The following RABEPK variants were observed in gnomAD, a reference collection of about 807,000 sequenced individuals.
RABEPK encodes 40 kDa Rab9 effector protein.
Under a neutral mutation model 34.1 loss-of-function variants are expected in RABEPK, and 27 were observed. That is an observed-to-expected ratio of 0.79 (90% CI 0.58 to 1.09). The LOEUF (loss-of-function observed/expected upper bound fraction) is 1.09, where lower values mean the gene tolerates loss of function less well. Among genes scored for constraint, RABEPK ranks in the 50% least tolerant of loss-of-function variants. The probability of loss-of-function intolerance (pLI) is 0.00; values close to 1 mark genes in which losing one functional copy is unlikely to be tolerated. For missense variants in RABEPK, 449 were observed against 462.6 expected (o/e 0.97, Z 0.27); for synonymous variants, 172 against 169.2 (o/e 1.02, Z -0.13).
chr9:125,214,507 T>C (rs75025871), intron 4 of RABEPK, among the ~76,000 whole-genome samples: 5,009 of 152,256 alleles, frequency 0.033, 243 homozygotes, highest in African/African-American at 0.11. Context: ...GCAAGACATT[T>C]TGTTTGTTCG....
rs71374234 is a variant in RABEPK, at chr9:125,218,321, C to CAAAAAAAA, written c.365-2198_365-2191dup. Among the ~76,000 whole-genome samples the CAAAAAAAA allele has an allele frequency of 6.8e-4, 28 of 41,154 alleles. 3 individuals are homozygous for CAAAAAAAA. The highest frequency in any genetic ancestry group is 1.2e-3 in the South Asian group (1 of 812). 27.0% of individuals were successfully genotyped at this position (41,154 alleles called of 152,430 possible). A position where few individuals can be genotyped will look rare whatever the true frequency, so the allele number is the denominator to read the frequency against. On this transcript the variant is annotated intron_variant, in intron 4 of 7. Coordinates refer to ENST00000373538, the MANE Select transcript of RABEPK (RefSeq NM_005833.4). Reference sequence around the variant, plus strand: ...TGGGAGCCACAGCGAGACTCCGTCTCAAAAAAAAAAAAAAAAAAAAAAAAA... The same window carrying CAAAAAAAA: ...TGGGAGCCACAGCGAGACTCCGTCTCAAAAAAAAAAAAAAAAAAAAAAAAAAAAAAAAA...
chr9:125,204,971 G>A (rs146423947), intron 2 of RABEPK, among the ~76,000 whole-genome samples: 1,585 of 152,170 alleles, frequency 0.01, 13 homozygotes, highest in Non-Finnish European at 0.017. Flanking sequence ...GGGACTGTTG[G>A]TGTGTACTAC....
chr9:125,213,648 T>C (rs1830731317), intron 4 of RABEPK, 126 bp downstream of exon 4: 15 of 832,434 alleles, frequency 1.8e-5, no homozygotes. Context: ...CATTTAACTT[T>C]GCTGACATAG....
intron 5 of RABEPK, among the ~76,000 whole-genome samples, chr9:125,224,485 C>T (rs1831593142): frequency 7.0e-6 from 1 of 142,414 alleles, no homozygotes. Flanking sequence ...TGAAGTCACG[C>T]TCTGTTGCCC....
intron 6 of RABEPK, among the ~76,000 whole-genome samples, chr9:125,229,517 G>A (rs557022011): frequency 1.3e-5 from 2 of 152,310 alleles, no homozygotes; most frequent in South Asian, 4.1e-4. Flanking sequence ...ATCAGATTCT[G>A]TTACCTCTGG....
At chr9:125,212,064 G>C (rs1260640232) in intron 3 of RABEPK, among the ~76,000 whole-genome samples, 2 of 152,072 alleles carry the variant, frequency 1.3e-5, no homozygotes, top group African/African-American at 2.4e-5. Flanking sequence ...CCTATTAATA[G>C]CTTTGTGACC....
At chr9:125,231,967 T>C (rs746197825) in intron 6 of RABEPK, among the ~76,000 whole-genome samples, 1 of 145,432 alleles carries the variant, frequency 6.9e-6, no homozygotes, top group Non-Finnish European at 1.5e-5. Context: ...TGGTGTGATC[T>C]CAGCTCAGCG....
intron 4 of RABEPK, among the ~76,000 whole-genome samples, chr9:125,214,884 G>A (rs964786642): frequency 2.7e-5 from 4 of 148,218 alleles, no homozygotes; most frequent in Non-Finnish European, 4.4e-5. Flanking sequence ...TCTGCCTCCC[G>A]GGTTCAAGTG....
chr9:125,232,953 G>A (rs1217911770), intron 7 of RABEPK, among the ~76,000 whole-genome samples: 1 of 151,974 alleles, frequency 6.6e-6, no homozygotes, highest in Non-Finnish European at 1.5e-5. Flanking sequence ...GCGGGCGCCT[G>A]TAGTCCCAGC....
chr9:125,209,264 T>C (rs1342629983), intron 3 of RABEPK, among the ~76,000 whole-genome samples: 1 of 151,700 alleles, frequency 6.6e-6, no homozygotes, highest in African/African-American at 2.4e-5. Flanking sequence ...TTTCACGATG[T>C]TGATCAGGCT....
rs1829850653 is a variant in RABEPK at position 125,200,680 on chromosome 9, A to G, written c.-233A>G. ...TGAATCTTTTAGGGGAGTGGGCCCA[A>G]GCCGGGTGCAAAGAACGGGGAAGGG... On this transcript the variant is annotated 5_prime_UTR_variant, in exon 1 of 8. Coordinates refer to ENST00000373538, the MANE Select transcript of RABEPK (RefSeq NM_005833.4). The G allele has an allele frequency of 2.1e-6, 1 of 471,208 alleles. No individual in the cohort carries two copies. The highest frequency in any genetic ancestry group is 4.4e-6 in the Non-Finnish European group (1 of 227,060). The allele number at this position is 471,208 out of a possible 1,614,324, so 29.2% of individuals were successfully genotyped here. A position where few individuals can be genotyped will look rare whatever the true frequency, so the allele number is the denominator to read the frequency against.
intron 2 of RABEPK, among the ~76,000 whole-genome samples, chr9:125,207,202 C>G (rs1170118799): frequency 6.6e-6 from 1 of 152,060 alleles, no homozygotes; most frequent in Non-Finnish European, 1.5e-5. Context: ...TACCTGAGCT[C>G]GAATTTGAAC....
Position 125,216,425 on chromosome 9 carries a change from A to C in RABEPK, c.364+2903A>C, listed in dbSNP as rs561477241. On this transcript the variant is annotated intron_variant, in intron 4 of 7. Coordinates refer to ENST00000373538, the MANE Select transcript of RABEPK (RefSeq NM_005833.4). ...CGATAAAAAAATTAAAATTAAAAAA[A>C]AAAACTATTGTACAATAGTTGGTCA... is the stretch of plus-strand genomic sequence containing the variant. Among the ~76,000 whole-genome samples, 3 of 152,312 alleles carry C rather than the reference A, an allele frequency of 2.0e-5. No individual in the cohort carries two copies. In the East Asian group the frequency reaches 5.8e-4, roughly 29 times the overall value.
At chr9:125,216,255 AGCC>A in intron 4 of RABEPK, among the ~76,000 whole-genome samples, 1 of 152,166 alleles carries the variant, frequency 6.6e-6, no homozygotes, top group Admixed American at 6.6e-5. Context: ...ATCATGCCAC[AGCC>A]TGAGCAATGA....
intron 4 of RABEPK, among the ~76,000 whole-genome samples, chr9:125,215,888 A>G (rs969740547): frequency 6.6e-6 from 1 of 152,176 alleles, no homozygotes; most frequent in Non-Finnish European, 1.5e-5. Flanking sequence ...TTTCCGGTTT[A>G]TCCTCTCTCC....
rs753765155 is a variant in RABEPK at position 125,228,033 on chromosome 9, A to T, written c.650A>T (p.Tyr217Phe). Residue 217 changes from tyrosine to phenylalanine, a missense_variant, in exon 6 of 8, where the codon TAT becomes TTT. Physicochemically the swap from Tyr to Phe is conservative, Grantham distance 22 (BLOSUM62 3). Coordinates refer to ENST00000373538, the MANE Select transcript of RABEPK (RefSeq NM_005833.4). ...GGAGGCTTGGCGGGGGACAGATTCT[A>T]TGATGACCTCCACTGCATTGATATA... is the stretch of plus-strand genomic sequence containing the variant. ...IHGGLAGDRF[Y>F]DDLHCIDISD... 6.2e-7 allele frequency: 1 copy of T among 1,602,404 alleles called. No individual in the cohort carries two copies. Among genetic ancestry groups the T allele is most frequent in the Non-Finnish European group, 8.5e-7 (1 of 1,173,030 alleles).
intron 2 of RABEPK, among the ~76,000 whole-genome samples, chr9:125,204,740 C>T (rs1830109983): frequency 6.6e-6 from 1 of 151,566 alleles, no homozygotes; most frequent in Admixed American, 6.6e-5. Context: ...AGGAGCTGTT[C>T]ATGCTGGTCT....
chr9:125,220,831 C>T, intron 5 of RABEPK, 131 bp downstream of exon 5: 2 of 1,176,172 alleles, frequency 1.7e-6, no homozygotes, highest in Non-Finnish European at 2.3e-6. Context: ...TGTTATATCT[C>T]TTAGCTGATA....
rs1831285253 is a variant in RABEPK, at chr9:125,220,885, G to A, written c.526+185G>A. On this transcript the variant is annotated intron_variant, in intron 5 of 7. Coordinates refer to ENST00000373538, the MANE Select transcript of RABEPK (RefSeq NM_005833.4). ...ATTGGCATTTAAAAAGGGATAGTGA[G>A]GCCTGGCATGGTGGCTCACACCTGT... The A allele has an allele frequency of 2.4e-5, 18 of 740,586 alleles. No homozygotes were observed. The South Asian group carries it at 4.5e-4, about 19-fold the overall frequency. 45.9% of individuals were successfully genotyped at this position (740,586 alleles called of 1,614,324 possible). A position where few individuals can be genotyped will look rare whatever the true frequency, so the allele number is the denominator to read the frequency against.
Sources: allele counts gnomAD v4.1 joint callset (sites outside exome capture counted in the v4.1 genomes callset), GRCh38; gene constraint gnomAD v4.1.1; transcripts MANE v1.5; gene names NCBI Gene and HGNC (gene_info 2026-07-23, HGNC 2026-07-21).